KBTBD12: variants seen among roughly 807,000 people sequenced by gnomAD.
KBTBD12 encodes the protein kelch repeat and BTB domain containing 12, also known as kelch repeat and BTB domain-containing protein 12.
Under a neutral mutation model 58.7 loss-of-function variants are expected in KBTBD12, and 53 were observed. The observed-to-expected ratio is 0.90, with a 90% CI of 0.72 to 1.14. The LOEUF is 1.14. KBTBD12 is among the 50% of genes most tolerant of loss of function. The pLI is 0.00. For missense variants in KBTBD12, 704 were observed against 751.3 expected (o/e 0.94, Z 0.74); for synonymous variants, 236 against 259.8 (o/e 0.91, Z 0.88).
Position 127,923,741 on chromosome 3 carries a change from C to T in KBTBD12, c.680C>T (p.Pro227Leu). Residue 227 changes from proline to leucine, a missense_variant, in exon 2 of 6, where the codon CCT becomes CTT. Physicochemically the swap from Pro to Leu is moderately conservative, Grantham distance 98. Transcript: ENST00000405109. ...LKQVRLELVNPSFLRQALRRN... is the reference protein window; with the variant it reads ...LKQVRLELVNLSFLRQALRRN... ...CAAGTCAGATTGGAACTTGTAAATC[C>T]TTCTTTTTTAAGACAAGCCCTAAGA... 6.2e-7 allele frequency: 1 copy of T among 1,613,684 alleles called. No individual in the cohort carries two copies. The highest frequency in any genetic ancestry group is 8.5e-7 in the Non-Finnish European group (1 of 1,179,820).
intron 5 of KBTBD12, among the ~76,000 whole-genome samples, chr3:127,975,195 T>G (rs1940761459): frequency 6.6e-6 from 1 of 152,244 alleles, no homozygotes; most frequent in Middle Eastern, 3.4e-3. Context: ...ACTGAGAAAT[T>G]CTGGGAGGCA....
chr3:127,956,210 C>T lies in KBTBD12; in HGVS notation c.1493-6979C>T, dbSNP rs147025863. Among the ~76,000 whole-genome samples, 28 of 152,218 alleles carry T rather than the reference C, an allele frequency of 1.8e-4. No individual in the cohort carries two copies. In the East Asian group the frequency reaches 5.4e-3, roughly 29 times the overall value. The stretch of plus-strand genomic sequence containing the variant: ...TTTTAAACCTTTATTATCTGGCACC[C>T]TCAACAAATAACTCAGAAATAAGTA... On this transcript the variant is annotated intron_variant, in intron 4 of 5. Coordinates refer to ENST00000405109, the MANE Select transcript of KBTBD12 (RefSeq NM_207335.4).
intron 4 of KBTBD12, among the ~76,000 whole-genome samples, chr3:127,942,652 A>C (rs1939978334): frequency 6.8e-6 from 1 of 148,064 alleles, no homozygotes; most frequent in African/African-American, 2.5e-5. Context: ...ATAACTATAT[A>C]TATAACTACA....
intron 4 of KBTBD12, among the ~76,000 whole-genome samples, chr3:127,955,061 A>G (rs1940292883): frequency 2.0e-5 from 3 of 152,230 alleles, no homozygotes; most frequent in African/African-American, 2.4e-5. Flanking sequence ...GCTTTACGTT[A>G]TAGATGCTCA....
intron 3 of KBTBD12, among the ~76,000 whole-genome samples, chr3:127,928,892 A>G (rs1293876329): frequency 6.6e-6 from 1 of 152,228 alleles, no homozygotes; most frequent in East Asian, 1.9e-4. Context: ...ATAGTATATC[A>G]TACCTGTTTT....
chr3:127,940,875 A>C (rs1939935484), intron 4 of KBTBD12, among the ~76,000 whole-genome samples: 3 of 152,196 alleles, frequency 2.0e-5, no homozygotes, highest in Non-Finnish European at 2.9e-5. Context: ...AAGGGATATT[A>C]CTACAGTCTC....
At chr3:127,983,395 C>T (rs1460332189) in intron 5 of KBTBD12, among the ~76,000 whole-genome samples, 3 of 152,098 alleles carry the variant, frequency 2.0e-5, no homozygotes, top group African/African-American at 7.2e-5. Flanking sequence ...AGATTAACAC[C>T]CTCCCTTGGG....
chr3:127,955,191 A>G (rs190981836), intron 4 of KBTBD12, among the ~76,000 whole-genome samples: 100 of 152,344 alleles, frequency 6.6e-4, no homozygotes, highest in Middle Eastern at 3.4e-3. Flanking sequence ...ATGTTTTGAA[A>G]TAGGGACTTT....
intron 4 of KBTBD12, 89 bp from the exon 5 acceptor site, chr3:127,963,100 C>A: frequency 1.7e-6 from 2 of 1,174,754 alleles, no homozygotes; most frequent in Non-Finnish European, 2.4e-6. Flanking sequence ...GTCCCATAAA[C>A]CTTTGATACA....
At chr3:127,983,482 T>C (rs771543954) in intron 5 of KBTBD12, among the ~76,000 whole-genome samples, 4 of 152,096 alleles carry the variant, frequency 2.6e-5, no homozygotes, top group Non-Finnish European at 5.9e-5. Flanking sequence ...CAACCGGGCG[T>C]GGTGGCTCAC....
At chr3:127,936,141 G>A (rs569121277) in intron 4 of KBTBD12, among the ~76,000 whole-genome samples, 10 of 152,244 alleles carry the variant, frequency 6.6e-5, no homozygotes, top group African/African-American at 1.9e-4. Context: ...CGAGGTAGGC[G>A]GATCACTTGA....
chr3:127,945,026 T>G (rs1452490651), intron 4 of KBTBD12, among the ~76,000 whole-genome samples: 1 of 151,294 alleles, frequency 6.6e-6, no homozygotes, highest in Non-Finnish European at 1.5e-5. Flanking sequence ...GACCACAGAC[T>G]CATGCCAACC....
At chr3:127,942,871 C>T (rs1272302403) in intron 4 of KBTBD12, among the ~76,000 whole-genome samples, 2 of 151,984 alleles carry the variant, frequency 1.3e-5, no homozygotes, top group Non-Finnish European at 2.9e-5. Flanking sequence ...TGCACCATAA[C>T]ATGGCAAAGA....
intron 5 of KBTBD12, among the ~76,000 whole-genome samples, chr3:127,966,936 C>T (rs1940585318): frequency 6.6e-6 from 1 of 152,298 alleles, no homozygotes; most frequent in Non-Finnish European, 1.5e-5. Context: ...TAGAAGAAAA[C>T]GAAGCAAATG....
intron 4 of KBTBD12, among the ~76,000 whole-genome samples, chr3:127,956,633 G>T (rs1036619613): frequency 1.3e-5 from 2 of 152,192 alleles, no homozygotes; most frequent in African/African-American, 4.8e-5. Context: ...CCACAGGACA[G>T]TACTCATGTT....
intron 1 of KBTBD12, among the ~76,000 whole-genome samples, chr3:127,917,397 G>C (rs1313710037): frequency 2.0e-5 from 3 of 152,208 alleles, no homozygotes; most frequent in Admixed American, 6.5e-5. Flanking sequence ...ACAGCCAGGT[G>C]CACCACACTT....
At chr3:127,982,367 C>G (rs1274607833) in intron 5 of KBTBD12, among the ~76,000 whole-genome samples, 1 of 152,180 alleles carries the variant, frequency 6.6e-6, no homozygotes, top group East Asian at 1.9e-4. Context: ...CAGAGCCACA[C>G]CTCCTCTGTC....
chr3:127,939,134 C>G (rs1228331736), intron 4 of KBTBD12, among the ~76,000 whole-genome samples: 1 of 152,154 alleles, frequency 6.6e-6, no homozygotes, highest in Non-Finnish European at 1.5e-5. Context: ...TCTCTGTACT[C>G]TTACATCTCA....
intron 5 of KBTBD12, among the ~76,000 whole-genome samples, chr3:127,973,938 C>T (rs1021524658): frequency 5.9e-5 from 9 of 152,196 alleles, no homozygotes; most frequent in Non-Finnish European, 1.2e-4. Context: ...GCCCCCCAGC[C>T]ACACCCTGGA....
Sources: allele counts gnomAD v4.1 joint callset (sites outside exome capture counted in the v4.1 genomes callset), GRCh38; gene constraint gnomAD v4.1.1; transcripts MANE v1.5; gene names NCBI Gene and HGNC (gene_info 2026-07-23, HGNC 2026-07-21).